SMOC2: variants seen among roughly 807,000 people sequenced by gnomAD.
SMOC2 encodes the protein SPARC-related modular calcium-binding protein 2.
Under a neutral mutation model 61.4 loss-of-function variants are expected in SMOC2, and 39 were observed. That is an observed-to-expected ratio of 0.64 (90% confidence interval 0.49 to 0.83). SMOC2 has a LOEUF of 0.83. Ranked by LOEUF, SMOC2 falls within the 40% of genes least tolerant of loss-of-function variation. The probability of loss-of-function intolerance (pLI) is 0.00; values close to 1 mark genes in which losing one functional copy is unlikely to be tolerated. For missense variants in SMOC2, 556 were observed against 592.9 expected, an observed-to-expected ratio of 0.94 and a Z score of 0.65; for synonymous variants, 247 against 239.9, an observed-to-expected ratio of 1.03 and a Z score of -0.27.
chr6:168,478,669 A>G, intron 1 of SMOC2, among the ~76,000 whole-genome samples: 1 of 152,182 alleles, frequency 6.6e-6, no homozygotes, highest in East Asian at 1.9e-4. Flanking sequence ...CATGGGAGAG[A>G]GACAAGTTGT....
chr6:168,476,670 T>C (rs1782095489), intron 1 of SMOC2, among the ~76,000 whole-genome samples: 1 of 152,124 alleles, frequency 6.6e-6, no homozygotes, highest in Non-Finnish European at 1.5e-5. Context: ...ATATTTATAA[T>C]AATTTAGCCA....
intron 7 of SMOC2, among the ~76,000 whole-genome samples, chr6:168,560,109 T>C (rs748032238): frequency 1.3e-5 from 2 of 152,278 alleles, no homozygotes; most frequent in African/African-American, 4.8e-5. Context: ...ATGTTTTTAA[T>C]AGAGGCAACC....
chr6:168,472,889 C>G (rs547730942), intron 1 of SMOC2, among the ~76,000 whole-genome samples: 1 of 152,122 alleles, frequency 6.6e-6, no homozygotes, highest in East Asian at 1.9e-4. Flanking sequence ...GCTCTCTCCT[C>G]ACCTCCTCCC....
At chr6:168,459,350 G>T (rs540871780) in intron 1 of SMOC2, among the ~76,000 whole-genome samples, 1 of 152,274 alleles carries the variant, frequency 6.6e-6, no homozygotes, top group Admixed American at 6.5e-5. Context: ...CTGGGCCATC[G>T]GCAGGAAGCG....
At chr6:168,466,725 A>C (rs1262284933) in intron 1 of SMOC2, among the ~76,000 whole-genome samples, 1 of 152,246 alleles carries the variant, frequency 6.6e-6, no homozygotes, top group African/African-American at 2.4e-5. Flanking sequence ...GTGCACCTGC[A>C]ACATGTTTAT....
intron 11 of SMOC2, among the ~76,000 whole-genome samples, chr6:168,656,205 C>A (rs1787318146): frequency 6.6e-6 from 1 of 152,058 alleles, no homozygotes; most frequent in Admixed American, 6.6e-5. Context: ...AGGGCTGATT[C>A]ACCGTGGTCT....
intron 2 of SMOC2, among the ~76,000 whole-genome samples, chr6:168,525,524 G>A (rs1335926847): frequency 6.6e-6 from 1 of 152,170 alleles, no homozygotes. Context: ...TTTCCACAGT[G>A]AGCTTAGATA....
In SMOC2 at chr6:168,544,791, G is replaced by C. The variant is rs1783953348; in HGVS notation, c.511+1119G>C. Among the ~76,000 whole-genome samples the C allele has an allele frequency of 6.6e-6, 1 of 152,234 alleles. No individual in the cohort carries two copies. The highest frequency in any genetic ancestry group is 2.1e-4 in the South Asian group (1 of 4,826). On this transcript the variant is annotated intron_variant, in intron 5 of 12. Transcript: ENST00000356284. This position sits in a 1 kb window ranked among gnomAD's most constrained non-coding sequence, Gnocchi z 4.1. ...CCCTGGAAGATCCTTTGCAAAAAGA[G>C]TTCTGTATTACTAGGACACTGACAT...
intron 1 of SMOC2, among the ~76,000 whole-genome samples, chr6:168,458,111 CAGTGTGACCCAG>C (rs1781630055): frequency 6.6e-6 from 1 of 152,234 alleles, no homozygotes; most frequent in Admixed American, 6.5e-5. Context: ...CATAATCCTG[CAGTGTGACCCAG>C]AGGCCGGGCT....
At chr6:168,652,041 C>CAA (rs34341178) in intron 10 of SMOC2, among the ~76,000 whole-genome samples, 66 of 129,064 alleles carry the variant, frequency 5.1e-4, no homozygotes, top group African/African-American at 7.2e-4. Flanking sequence ...AACTCTGTCT[C>CAA]AAAAAAAAAA....
chr6:168,639,101 G>C (rs929482887), intron 9 of SMOC2, among the ~76,000 whole-genome samples: 3 of 152,192 alleles, frequency 2.0e-5, no homozygotes, highest in Non-Finnish European at 4.4e-5. Flanking sequence ...CAATGTTTCA[G>C]AGGCTGAAAT....
intron 10 of SMOC2, among the ~76,000 whole-genome samples, chr6:168,652,614 G>A (rs1323318566): frequency 6.6e-6 from 1 of 152,120 alleles, no homozygotes; most frequent in South Asian, 2.1e-4. Flanking sequence ...AAAAGCTCAG[G>A]GTTCTGGTGT....
chr6:168,611,239 GGCCC>G (rs1785853859), intron 9 of SMOC2, among the ~76,000 whole-genome samples: 2 of 143,410 alleles, frequency 1.4e-5, no homozygotes, highest in Non-Finnish European at 3.1e-5. Context: ...TCCCATGTCT[GGCCC>G]TGCTCTGGTT....
chr6:168,463,283 C>T (rs1409295170), intron 1 of SMOC2, among the ~76,000 whole-genome samples: 10 of 152,288 alleles, frequency 6.6e-5, no homozygotes, highest in African/African-American at 2.2e-4. Context: ...AAATAGAAAG[C>T]GCTGGCTGTG....
intron 3 of SMOC2, 43 bp downstream of exon 3, chr6:168,526,495 G>A (rs1783456700): frequency 6.5e-7 from 1 of 1,531,900 alleles, no homozygotes; most frequent in South Asian, 1.1e-5. Flanking sequence ...GTGCGATTAG[G>A]GAGGGAGATG....
intron 7 of SMOC2, among the ~76,000 whole-genome samples, chr6:168,578,004 CT>C (rs1784846565): frequency 6.6e-6 from 1 of 152,236 alleles, no homozygotes; most frequent in Non-Finnish European, 1.5e-5. Flanking sequence ...TCTACCATAA[CT>C]TGTTGCAAAA....
At chr6:168,450,749 CA>C (rs1781442413) in intron 1 of SMOC2, among the ~76,000 whole-genome samples, 1 of 152,200 alleles carries the variant, frequency 6.6e-6, no homozygotes, top group Non-Finnish European at 1.5e-5. Flanking sequence ...GTGGTCCCAA[CA>C]CCAGATATGG....
At chr6:168,503,836 A>G (rs1048607984) in intron 1 of SMOC2, among the ~76,000 whole-genome samples, 1 of 151,940 alleles carries the variant, frequency 6.6e-6, no homozygotes. Flanking sequence ...AGGGAGGATC[A>G]AAAAAACGCA....
intron 1 of SMOC2, among the ~76,000 whole-genome samples, chr6:168,492,471 A>G (rs1012472431): frequency 2.0e-5 from 3 of 152,372 alleles, no homozygotes; most frequent in Non-Finnish European, 4.4e-5. Flanking sequence ...AATCTGACCA[A>G]TCTCAACTTC....
Sources: gnomAD v4.1 joint callset for allele counts (sites outside exome capture counted in the v4.1 genomes callset) on GRCh38, gnomAD v4.1.1 for gene constraint, Gnocchi (gnomAD v3.1) non-coding constraint, MANE v1.5 for transcripts, NCBI Gene and HGNC (gene_info 2026-07-23, HGNC 2026-07-21) for gene names.